The following CALN1 variants were observed in gnomAD, a reference collection of about 807,000 sequenced individuals.
The protein encoded by CALN1 is calcium-binding protein 8.
A neutral mutation model predicts 30.6 loss-of-function variants in CALN1; 17 were observed. That is an observed-to-expected ratio of 0.56 (90% CI 0.38 to 0.83). The LOEUF (loss-of-function observed/expected upper bound fraction) is 0.83. CALN1 is among the 40% of genes least tolerant of loss of function. The pLI is 0.00. For missense variants in CALN1, 291 were observed against 354.9 expected (o/e 0.82, Z 1.45); for synonymous variants, 156 against 131.4 (o/e 1.19, Z -1.28).
At chr7:72,427,770 G>A (rs1034805036) in intron 1 of CALN1, among the ~76,000 whole-genome samples, 10 of 151,898 alleles carry the variant, frequency 6.6e-5, no homozygotes, top group East Asian at 3.9e-4. Context: ...TAGGAGCCAC[G>A]GTGCTGGGCT....
At position 71,784,011 on chromosome 7, in the gene CALN1, A is replaced by G. The variant is rs2115780353; in HGVS notation, c.*3764T>C. ...ACCACACCTAAACCTCAGTTCACCA[A>G]AGTTCACGTGTTTGGCTTGCAGGAG... On this transcript the variant is annotated 3_prime_UTR_variant, in exon 7 of 7. Coordinates refer to ENST00000395275, the MANE Select transcript of CALN1 (RefSeq NM_031468.4). The G allele has an allele frequency of 6.6e-6, 1 of 152,306 alleles. No homozygotes were observed. Among genetic ancestry groups the G allele is most frequent in the Non-Finnish European group, 1.5e-5 (1 of 68,034 alleles). 9.4% of individuals were successfully genotyped at this position (152,306 alleles called of 1,614,324 possible).
At chr7:72,210,958 G>A (rs886296575) in intron 3 of CALN1, among the ~76,000 whole-genome samples, 2 of 152,014 alleles carry the variant, frequency 1.3e-5, no homozygotes, top group Non-Finnish European at 2.9e-5. Context: ...GGGAGGCTGA[G>A]GCAGGGGGAT....
At chr7:71,828,714 G>GTA (rs914116796) in intron 5 of CALN1, among the ~76,000 whole-genome samples, 1 of 142,216 alleles carries the variant, frequency 7.0e-6, no homozygotes, top group Non-Finnish European at 1.5e-5. Context: ...ATATATATAT[G>GTA]TATATGTGTG....
intron 2 of CALN1, among the ~76,000 whole-genome samples, chr7:72,365,438 CG>C (rs1271577647): frequency 1.3e-5 from 2 of 151,976 alleles, no homozygotes; most frequent in Non-Finnish European, 2.9e-5. Context: ...ATGAGAAATA[CG>C]TTTTCTAAAA....
intron 3 of CALN1, among the ~76,000 whole-genome samples, chr7:72,182,301 T>G (rs1168991005): frequency 6.6e-6 from 1 of 152,042 alleles, no homozygotes; most frequent in Non-Finnish European, 1.5e-5. Flanking sequence ...GGAAGAGCAA[T>G]GTGTTACCAG....
At chr7:72,488,943 C>A in the CALN1 span, among the ~76,000 whole-genome samples, 15 of 152,282 alleles carry the variant, frequency 9.9e-5, no homozygotes, top group South Asian at 1.2e-3. Context: ...CCCAGGTGAG[C>A]TTACTCATGG....
chr7:72,157,143 G>A (rs1350296666), intron 3 of CALN1, among the ~76,000 whole-genome samples: 1 of 152,216 alleles, frequency 6.6e-6, no homozygotes, highest in Non-Finnish European at 1.5e-5. Flanking sequence ...CTTGATCGAT[G>A]ACATGGGAAC....
chr7:72,317,888 T>C (rs1025398147), intron 2 of CALN1, among the ~76,000 whole-genome samples: 1 of 151,978 alleles, frequency 6.6e-6, no homozygotes, highest in Non-Finnish European at 1.5e-5. Context: ...AGGACATGAA[T>C]GAACTGGAAA....
At chr7:72,457,207 A>G in the CALN1 span, among the ~76,000 whole-genome samples, 1 of 151,702 alleles carries the variant, frequency 6.6e-6, no homozygotes, top group Non-Finnish European at 1.5e-5. Context: ...ATGTGGTTTC[A>G]CCATATTAGC....
At chr7:72,359,394 G>T (rs572933155) in intron 2 of CALN1, among the ~76,000 whole-genome samples, 1 of 152,132 alleles carries the variant, frequency 6.6e-6, no homozygotes, top group Non-Finnish European at 1.5e-5. Context: ...ACTTTCTTGC[G>T]TTTCTTTCCA....
At chr7:72,463,113 TTTTATTTATTTA>T in the CALN1 span, among the ~76,000 whole-genome samples, 1 of 151,824 alleles carries the variant, frequency 6.6e-6, no homozygotes, top group Non-Finnish European at 1.5e-5. Flanking sequence ...TGCTTTGCAT[TTTTATTTATTTA>T]TTTATTTATT....
At chr7:72,341,082 C>T (rs1052729831) in intron 2 of CALN1, among the ~76,000 whole-genome samples, 4 of 152,176 alleles carry the variant, frequency 2.6e-5, no homozygotes, top group African/African-American at 9.7e-5. Context: ...CACAATGGGT[C>T]GCAGGCAGAT....
intron 3 of CALN1, among the ~76,000 whole-genome samples, chr7:72,236,728 G>A (rs1562778686): frequency 2.0e-5 from 3 of 152,182 alleles, no homozygotes; most frequent in South Asian, 2.1e-4. Context: ...GTTGGGAGGA[G>A]GAAATAAATG....
intron 4 of CALN1, among the ~76,000 whole-genome samples, chr7:72,073,576 T>C (rs1264017004): frequency 6.6e-6 from 1 of 151,866 alleles, no homozygotes; most frequent in African/African-American, 2.4e-5. Flanking sequence ...ATAATAAAAG[T>C]GTTTATCTGT....
chr7:72,007,403 T>C (rs936960840), intron 5 of CALN1, among the ~76,000 whole-genome samples: 1 of 151,980 alleles, frequency 6.6e-6, no homozygotes, highest in African/African-American at 2.4e-5. Flanking sequence ...AAAAATTAGC[T>C]GGGTATGGTG....
chr7:72,324,603 G>T (rs1433271071), intron 2 of CALN1, among the ~76,000 whole-genome samples: 4 of 149,458 alleles, frequency 2.7e-5, no homozygotes, highest in Non-Finnish European at 5.9e-5. Context: ...TTTATTTAGA[G>T]ACAGAGTCTC....
At chr7:72,040,322 A>T (rs1248023696) in intron 4 of CALN1, among the ~76,000 whole-genome samples, 1 of 135,672 alleles carries the variant, frequency 7.4e-6, no homozygotes, top group East Asian at 2.0e-4. Flanking sequence ...AAAAATTACA[A>T]TAAAAAAAAA....
chr7:72,109,413 G>GT (rs1403464875), intron 3 of CALN1, among the ~76,000 whole-genome samples: 1 of 152,040 alleles, frequency 6.6e-6, no homozygotes, highest in Non-Finnish European at 1.5e-5. Flanking sequence ...TCGTTGAAGT[G>GT]TTTAAGTGAA....
At chr7:72,134,484 C>T (rs1457986923) in intron 3 of CALN1, among the ~76,000 whole-genome samples, 1 of 152,182 alleles carries the variant, frequency 6.6e-6, no homozygotes, top group Non-Finnish European at 1.5e-5. Flanking sequence ...AAGCAAGTCA[C>T]ACCAATTTCT....
Sources: allele counts gnomAD v4.1 joint callset (sites outside exome capture counted in the v4.1 genomes callset), GRCh38; gene constraint gnomAD v4.1.1; transcripts MANE v1.5; gene names NCBI Gene and HGNC (gene_info 2026-07-23, HGNC 2026-07-21).